IQCM: variants seen among roughly 807,000 people sequenced by gnomAD.
The protein encoded by IQCM is IQ motif containing M.
A neutral mutation model predicts 57.6 loss-of-function variants in IQCM; 45 were observed. That is an observed-to-expected ratio of 0.78 (90% CI 0.62 to 1.00). The LOEUF is 1.00. Ranked by LOEUF, IQCM falls within the 50% of genes least tolerant of loss-of-function variation. IQCM has a pLI of 0.00. For missense variants in IQCM, 468 were observed against 511.6 expected (o/e 0.91, Z 0.82); for synonymous variants, 148 against 158.9 (o/e 0.93, Z 0.51).
chr4:149,615,582 A>AT (rs1237005545), intron 8 of IQCM, among the ~76,000 whole-genome samples: 2 of 152,184 alleles, frequency 1.3e-5, no homozygotes, highest in Non-Finnish European at 2.9e-5. Flanking sequence ...AGCACTATTG[A>AT]TTTTTTTAAT....
chr4:149,539,357 A>G, intron 12 of IQCM, among the ~76,000 whole-genome samples: 1 of 152,166 alleles, frequency 6.6e-6, no homozygotes, highest in East Asian at 1.9e-4. Context: ...TAGAGACAGA[A>G]GGCTGTCTAG....
chr4:149,707,676 A>C (rs1764259568), intron 5 of IQCM, among the ~76,000 whole-genome samples: 1 of 151,948 alleles, frequency 6.6e-6, no homozygotes, highest in South Asian at 2.1e-4. Context: ...GACTTGGGGG[A>C]AACTGACATG....
intron 12 of IQCM, among the ~76,000 whole-genome samples, chr4:149,447,712 A>G (rs925490131): frequency 6.6e-6 from 1 of 151,670 alleles, no homozygotes; most frequent in Non-Finnish European, 1.5e-5. Flanking sequence ...TAAAGACATA[A>G]CAGAATATTT....
chr4:149,685,897 C>T (rs2150213168), intron 6 of IQCM, among the ~76,000 whole-genome samples: 1 of 151,552 alleles, frequency 6.6e-6, no homozygotes, highest in East Asian at 1.9e-4. Flanking sequence ...TCTCCAGACA[C>T]TTTTGGAAAG....
At chr4:149,580,626 G>T (rs1752092721) in intron 9 of IQCM, among the ~76,000 whole-genome samples, 1 of 151,760 alleles carries the variant, frequency 6.6e-6, no homozygotes, top group Admixed American at 6.6e-5. Flanking sequence ...GGAACTATAG[G>T]CTGATTGGGT....
chr4:149,611,447 A>G (rs1007045480), intron 8 of IQCM, among the ~76,000 whole-genome samples: 5 of 152,224 alleles, frequency 3.3e-5, no homozygotes, highest in Middle Eastern at 3.4e-3. Flanking sequence ...GTCCATCAAC[A>G]AATGAATGAA....
intron 2 of IQCM, among the ~76,000 whole-genome samples, chr4:149,781,524 G>T (rs540403160): frequency 1.3e-5 from 2 of 152,104 alleles, no homozygotes; most frequent in African/African-American, 2.4e-5. Flanking sequence ...CTTAATAATG[G>T]CCCCAAAGTG....
At chr4:149,792,267 A>G (rs1298109617) in intron 2 of IQCM, among the ~76,000 whole-genome samples, 1 of 152,146 alleles carries the variant, frequency 6.6e-6, no homozygotes, top group Non-Finnish European at 1.5e-5. Flanking sequence ...AAATTTTACC[A>G]TATGTAAAAA....
intron 3 of IQCM, among the ~76,000 whole-genome samples, chr4:149,740,111 C>CA (rs1388312292): frequency 6.6e-6 from 1 of 152,200 alleles, no homozygotes; most frequent in Admixed American, 6.5e-5. Flanking sequence ...TGGCCATACT[C>CA]AGAGGGTTTA....
chr4:149,792,240 T>C (rs1285574218), intron 2 of IQCM, among the ~76,000 whole-genome samples: 1 of 152,130 alleles, frequency 6.6e-6, no homozygotes, highest in Non-Finnish European at 1.5e-5. Flanking sequence ...ATTAACAGCA[T>C]TTTAATTCAC....
chr4:149,648,692 G>A (rs960953183), intron 7 of IQCM, among the ~76,000 whole-genome samples: 19 of 151,996 alleles, frequency 1.3e-4, no homozygotes, highest in Admixed American at 1.2e-3. Flanking sequence ...GGTGGGAATT[G>A]AACAATGAGA....
chr4:149,594,989 G>A (rs1753622870), intron 8 of IQCM, among the ~76,000 whole-genome samples: 1 of 152,168 alleles, frequency 6.6e-6, no homozygotes, highest in South Asian at 2.1e-4. Context: ...GTGCAGAGCT[G>A]AGTTCAATTT....
intron 13 of IQCM, among the ~76,000 whole-genome samples, chr4:149,363,695 T>C (rs186059288): frequency 6.6e-5 from 10 of 152,256 alleles, no homozygotes; most frequent in Admixed American, 2.6e-4. Context: ...ATGGAAAAAA[T>C]TATAAGTTGC....
chr4:149,465,158 GA>G (rs1323965732), intron 12 of IQCM, among the ~76,000 whole-genome samples: 3 of 152,174 alleles, frequency 2.0e-5, no homozygotes, highest in South Asian at 2.1e-4. Flanking sequence ...TTTTATATAA[GA>G]TTTTTTTACA....
chr4:149,639,380 C>G (rs1202395285), intron 7 of IQCM, among the ~76,000 whole-genome samples: 1 of 147,858 alleles, frequency 6.8e-6, no homozygotes, highest in South Asian at 2.1e-4. Context: ...GAGCTATGAT[C>G]GTGCCGCTGC....
At chr4:149,531,699 G>T (rs1560957159) in intron 12 of IQCM, among the ~76,000 whole-genome samples, 1 of 151,810 alleles carries the variant, frequency 6.6e-6, no homozygotes, top group Non-Finnish European at 1.5e-5. Flanking sequence ...ATGTAAACTG[G>T]CAGCCATCAG....
rs1041707545 is a variant in IQCM at position 149,607,987 on chromosome 4, G to A, written c.681+13142C>T. 4.6e-5 allele frequency among the ~76,000 whole-genome samples: 7 copies of A among 151,900 alleles called. No individual in the cohort carries two copies. The South Asian group carries it at 8.3e-4, about 18-fold the overall frequency. ...TCAAAATACATAGAGCAGCTGAATG[G>A]ATTTAAAAAACAAGAGCCAACCATA... On this transcript the variant is annotated intron_variant, in intron 8 of 13. Coordinates refer to ENST00000636793, the MANE Select transcript of IQCM (RefSeq NM_001363507.2).
chr4:149,649,581 AAAT>A (rs1301782572), intron 7 of IQCM, among the ~76,000 whole-genome samples: 1 of 152,218 alleles, frequency 6.6e-6, no homozygotes, highest in African/African-American at 2.4e-5. Context: ...TGATTTATTC[AAAT>A]AATATTACCA....
chr4:149,530,135 C>T (rs921862773), intron 12 of IQCM, among the ~76,000 whole-genome samples: 1 of 152,064 alleles, frequency 6.6e-6, no homozygotes, highest in African/African-American at 2.4e-5. Flanking sequence ...CTGATCACCC[C>T]AAAGAAAAAT....
Sources: gnomAD v4.1 joint callset for allele counts (sites outside exome capture counted in the v4.1 genomes callset) on GRCh38, gnomAD v4.1.1 for gene constraint, MANE v1.5 for transcripts, NCBI Gene and HGNC (gene_info 2026-07-23, HGNC 2026-07-21) for gene names.